The following SEC31B variants were observed in gnomAD, a reference collection of about 807,000 sequenced individuals.
SEC31B encodes the protein SEC31 homolog B, COPII component.
A neutral mutation model predicts 135.0 loss-of-function variants in SEC31B; 113 were observed. The observed-to-expected ratio is 0.84, with a 90% confidence interval of 0.72 to 0.98. The LOEUF (loss-of-function observed/expected upper bound fraction) is 0.98, where lower values mean the gene tolerates loss of function less well. SEC31B is among the 50% of genes least tolerant of loss of function. SEC31B has a pLI of 0.00. For missense variants in SEC31B, 1,296 were observed against 1,421.1 expected (o/e 0.91, Z 1.42); for synonymous variants, 508 against 549.4 (o/e 0.92, Z 1.05).
At chr10:100,503,022 G>T (rs1264222571) in intron 10 of SEC31B, among the ~76,000 whole-genome samples, 2 of 152,088 alleles carry the variant, frequency 1.3e-5, no homozygotes, top group Non-Finnish European at 2.9e-5. Flanking sequence ...AAGGCCACAG[G>T]AAAGAGCTTA....
chr10:100,511,495 C>T lies in SEC31B; in HGVS notation c.204-1984G>A, dbSNP rs1483829875. Among the ~76,000 whole-genome samples, 3 of 152,190 alleles carry T rather than the reference C, an allele frequency of 2.0e-5. No individual in the cohort carries two copies. In the East Asian group the frequency reaches 5.8e-4, roughly 29 times the overall value. ...AAACAAAAAGGGTGGTCTAGCTGGG[C>T]ACAGTGGCTCACACCTATAATCCCA... On this transcript the variant is annotated intron_variant, in intron 3 of 25. Coordinates refer to ENST00000370345, the MANE Select transcript of SEC31B (RefSeq NM_015490.4).
chr10:100,505,763 A>G (rs1204656785), intron 9 of SEC31B: 4 of 1,414,558 alleles, frequency 2.8e-6, no homozygotes, highest in Non-Finnish European at 3.7e-6. Context: ...TAAGAGTCAT[A>G]CTCTTGAAAT....
At chr10:100,508,201 G>C (rs369286050) in intron 5 of SEC31B, 150 bp from the exon 6 acceptor site, 24 of 897,964 alleles carry the variant, frequency 2.7e-5, no homozygotes, top group South Asian at 1.3e-4. Context: ...GCTGGGAGTT[G>C]AATTTTCCAG....
chr10:100,490,409 T>A, intron 20 of SEC31B, 87 bp from the exon 21 acceptor site: 1 of 1,307,596 alleles, frequency 7.6e-7, no homozygotes, highest in Non-Finnish European at 1.0e-6. Context: ...AGGATTGCAA[T>A]AAAAAAATAA....
intron 2 of SEC31B, 41 bp from the exon 3 acceptor site, chr10:100,516,260 C>T: frequency 1.2e-6 from 2 of 1,605,000 alleles, no homozygotes; most frequent in Non-Finnish European, 1.7e-6. Context: ...ACAATATATG[C>T]ATGGATTTCA....
chr10:100,513,967 C>T (rs1851780323), intron 3 of SEC31B, among the ~76,000 whole-genome samples: 1 of 151,632 alleles, frequency 6.6e-6, no homozygotes, highest in Admixed American at 6.6e-5. Context: ...GTTGGATCAC[C>T]TGAGGTCAGG....
rs372383629 is a variant in SEC31B at position 100,489,394 on chromosome 10, G to C, written c.3029C>G (p.Pro1010Arg). 4.7e-5 allele frequency: 76 copies of C among 1,613,436 alleles called. No individual in the cohort carries two copies. Among genetic ancestry groups the C allele is most frequent in the Non-Finnish European group, 6.3e-5 (74 of 1,179,914 alleles). The part of the protein sequence containing the change: ...PRGNLQRNKL[P>R]ETFMPPAPIT... ...TGGTGCTGGGGGCATAAATGTCTCT[G>C]GCAGCTAAAGAGACAGAAGGAAAGA... The change falls in exon 23 of 26, where the codon CCA becomes CGA. Residue 1010 changes from proline to arginine, a missense_variant. Physicochemically the swap from Pro to Arg is moderately radical, Grantham distance 103. Transcript: ENST00000370345.
At chr10:100,502,202 G>A (rs1225119553) in intron 11 of SEC31B, 52 bp downstream of exon 11, 21 of 1,441,168 alleles carry the variant, frequency 1.5e-5, no homozygotes, top group Non-Finnish European at 1.9e-5. Context: ...AGAGGTTGGA[G>A]TTCCAGGCTT....
chr10:100,516,473 C>T (rs1445422364), intron 2 of SEC31B, among the ~76,000 whole-genome samples: 1 of 151,866 alleles, frequency 6.6e-6, no homozygotes, highest in East Asian at 1.9e-4. Flanking sequence ...TGGTGAAACC[C>T]TGTCTCTACT....
chr10:100,505,629 G>A, intron 9 of SEC31B, 134 bp from the exon 10 acceptor site: 2 of 1,444,156 alleles, frequency 1.4e-6, no homozygotes. Context: ...CCATATTCCA[G>A]GGGATGGGGA....
rs200223175 is a variant in SEC31B at position 100,489,723 on chromosome 10, C to A, written c.3004G>T (p.Gly1002Ter). 1.1e-5 allele frequency: 18 copies of A among 1,614,032 alleles called. No homozygotes were observed. The highest frequency in any genetic ancestry group is 1.6e-4 in the Middle Eastern group (1 of 6,062). Residue 1002 changes from glycine (G) to a stop codon, truncating the protein, a stop_gained, in exon 22 of 26, where the codon GGA (glycine) becomes TGA (stop). Transcript: ENST00000370345. LOFTEE classifies it high-confidence loss of function. ...TTGACCTTGTTCCTCTGGAGGTTTC[C>A]CCTGGGGGCTGGGGCTTCTTTCCAG... ...DSWKEAPAPR[G>*]NLQRNKLPET...
chr10:100,508,401 A>G, intron 5 of SEC31B: 2 of 502,582 alleles, frequency 4.0e-6, no homozygotes. Context: ...CCAAGACCCC[A>G]AGAGAGAGTG....
chr10:100,488,907 CT>C lies in SEC31B; in HGVS notation c.3238del (p.Ser1080AlafsTer17). On this transcript the variant is annotated frameshift_variant, in exon 24 of 26. Coordinates refer to ENST00000370345, the MANE Select transcript of SEC31B (RefSeq NM_015490.4). LOFTEE classifies it high-confidence loss of function. Reference sequence around the variant, plus strand: ...GCGTTGGAGAAGCGCCTCAAAGCTGCTCTTCAAGGACTGATGCTCTGGGGGC... The same window carrying C: ...GCGTTGGAGAAGCGCCTCAAAGCTGCCTTCAAGGACTGATGCTCTGGGGGC... Reference protein sequence around the residue: ...ELPPEHQSLKSSFEALLQRCS... With the variant: ...ELPPEHQSLKXSFEALLQRCS... 1 of 1,611,172 alleles carries C rather than the reference CT, an allele frequency of 6.2e-7. No individual in the cohort carries two copies. The highest frequency in any genetic ancestry group is 8.5e-7 in the Non-Finnish European group (1 of 1,178,934).
intron 10 of SEC31B, 54 bp downstream of exon 10, chr10:100,505,307 C>T (rs1398171822): frequency 6.3e-7 from 1 of 1,576,404 alleles, no homozygotes; most frequent in Non-Finnish European, 8.6e-7. Context: ...CAAACACACA[C>T]ACACACACAC....
At chr10:100,518,827 C>T (rs547292592) in intron 1 of SEC31B, among the ~76,000 whole-genome samples, 1 of 152,336 alleles carries the variant, frequency 6.6e-6, no homozygotes, top group African/African-American at 2.4e-5. Flanking sequence ...AAGTTTAAGC[C>T]TGCCCATTAA....
At chr10:100,519,523 AG>A (rs1851912100) in intron 1 of SEC31B, among the ~76,000 whole-genome samples, 1 of 152,260 alleles carries the variant, frequency 6.6e-6, no homozygotes. Flanking sequence ...GCGGATGGGA[AG>A]GCGCAAGGCA....
intron 1 of SEC31B, among the ~76,000 whole-genome samples, chr10:100,519,218 G>T (rs976407337): frequency 1.3e-5 from 2 of 152,196 alleles, no homozygotes; most frequent in Non-Finnish European, 1.5e-5. Context: ...TGGGAAAATG[G>T]GCTCTTAATT....
At chr10:100,499,742 C>T in intron 11 of SEC31B, 144 bp from the exon 12 acceptor site, 1 of 627,050 alleles carries the variant, frequency 1.6e-6, no homozygotes, top group Non-Finnish European at 2.8e-6. Context: ...AATGCCATCT[C>T]TTTTTCCTCC....
chr10:100,510,860 C>A (rs1225224345), intron 3 of SEC31B, among the ~76,000 whole-genome samples: 1 of 152,208 alleles, frequency 6.6e-6, no homozygotes, highest in African/African-American at 2.4e-5. Flanking sequence ...CTTAATACAG[C>A]AGAAGGATGT....
Sources: allele counts gnomAD v4.1 joint callset (sites outside exome capture counted in the v4.1 genomes callset), GRCh38; gene constraint gnomAD v4.1.1; transcripts MANE v1.5; gene names NCBI Gene and HGNC (gene_info 2026-07-23, HGNC 2026-07-21).